Variants in SDK2 observed in about 807,000 individuals in gnomAD.
The protein encoded by SDK2 is sidekick cell adhesion molecule 2.
SDK2 carries 105 observed loss-of-function variants against 253.9 expected under a neutral mutation model. That is an observed-to-expected ratio of 0.41 (90% confidence interval 0.35 to 0.49). The LOEUF is 0.49. SDK2 is among the 20% of genes least tolerant of loss of function. The probability of loss-of-function intolerance (pLI) is 0.06; values close to 1 mark genes in which losing one functional copy is unlikely to be tolerated. For missense variants in SDK2, 2,608 were observed against 3,003.0 expected (o/e 0.87, Z 3.07); for synonymous variants, 1,249 against 1,234.9 (o/e 1.01, Z -0.24).
rs1018744988 is a variant in SDK2 at position 73,361,507 on chromosome 17, C to T, written c.5467+177G>A. ...GAACCTGAGGACACATTAATCAAAG[C>T]GTGGAGCCCGGGAGGAGGGAGCGGG... On this transcript the variant is annotated intron_variant, in intron 39 of 44. Coordinates refer to ENST00000392650, the MANE Select transcript of SDK2 (RefSeq NM_001144952.2). The surrounding 1 kb of genome is among the most constrained non-coding windows in gnomAD (Gnocchi z 4.1). 2.0e-5 allele frequency among the ~76,000 whole-genome samples: 3 copies of T among 151,948 alleles called. No homozygotes were observed. The highest frequency in any genetic ancestry group is 2.1e-4 in the South Asian group (1 of 4,818).
At chr17:73,536,428 C>CGA (rs1406361073) in intron 1 of SDK2, among the ~76,000 whole-genome samples, 6 of 152,218 alleles carry the variant, frequency 3.9e-5, no homozygotes, top group African/African-American at 1.4e-4. Flanking sequence ...AGCCTCCTTC[C>CGA]GAGGCTTCCG....
In SDK2 at chr17:73,441,049, G is replaced by T. The variant is rs76477834; in HGVS notation, c.614-126C>A. Reference sequence around the variant, plus strand: ...AGTGGAGCAGGTGGCCATGGGGGCAGCCCCAGAGCAGACCTCCAGACACTG... The same window carrying T: ...AGTGGAGCAGGTGGCCATGGGGGCATCCCCAGAGCAGACCTCCAGACACTG... On this transcript the variant is annotated intron_variant, in intron 5 of 44. Coordinates refer to ENST00000392650, the MANE Select transcript of SDK2 (RefSeq NM_001144952.2). 6.5e-3 allele frequency: 4,423 copies of T among 678,126 alleles called. 164 individuals carry two copies. In the East Asian group the frequency reaches 0.086, roughly 13 times the overall value. The allele number at this position is 678,126 out of a possible 1,614,324, so 42.0% of individuals were successfully genotyped here.
chr17:73,477,552 C>A (rs76900291), intron 2 of SDK2, among the ~76,000 whole-genome samples: 3,413 of 152,290 alleles, frequency 0.022, 114 homozygotes, highest in African/African-American at 0.076. Context: ...ATAATGATGG[C>A]CATCTTTGAT....
rs2063360328 is a variant in SDK2, at chr17:73,435,515, A to G, written c.1130T>C (p.Met377Thr). 1.2e-6 allele frequency: 2 copies of G among 1,601,296 alleles called. No individual in the cohort carries two copies. Among genetic ancestry groups the G allele is most frequent in the Non-Finnish European group, 1.7e-6 (2 of 1,174,436 alleles). Residue 377 changes from methionine to threonine, a missense_variant, in exon 9 of 45, where the codon ATG becomes ACG. Met to Thr is a moderately conservative substitution (Grantham distance 81). Transcript: ENST00000392650. The surrounding 1 kb of genome is among the most constrained non-coding windows in gnomAD (Gnocchi z 5.7). Reference protein sequence around the residue: ...ISGLVPDDTGMFQCFARNAAG... With the variant: ...ISGLVPDDTGTFQCFARNAAG... ...TGCATTGCGGGCGAAGCACTGGAACATGCCGGTATCATCGGGCACCAGGCC... is the reference window on the plus strand; with the variant it reads ...TGCATTGCGGGCGAAGCACTGGAACGTGCCGGTATCATCGGGCACCAGGCC...
At chr17:73,399,344 T>C (rs2063002045) in intron 21 of SDK2, 55 bp from the exon 22 acceptor site, 1 of 1,604,122 alleles carries the variant, frequency 6.2e-7, no homozygotes, top group South Asian at 1.1e-5. Flanking sequence ...GCCCCCCATG[T>C]TGAACGGGAC....
At chr17:73,626,825 A>C (rs528877960) in intron 1 of SDK2, among the ~76,000 whole-genome samples, 1 of 152,134 alleles carries the variant, frequency 6.6e-6, no homozygotes, top group African/African-American at 2.4e-5. Flanking sequence ...CTGGTCTTCG[A>C]TGTGGACCCC....
chr17:73,430,125 T>G (rs1408544100), intron 12 of SDK2, among the ~76,000 whole-genome samples: 1 of 152,172 alleles, frequency 6.6e-6, no homozygotes, highest in Non-Finnish European at 1.5e-5. Flanking sequence ...GGCCAAAGAC[T>G]TGGGGTGGGC....
chr17:73,539,443 C>T (rs1030547489), intron 1 of SDK2, among the ~76,000 whole-genome samples: 1 of 145,080 alleles, frequency 6.9e-6, no homozygotes, highest in Non-Finnish European at 1.5e-5. Context: ...CAGGAGTGGG[C>T]AGAGGCCAGC....
At chr17:73,498,304 C>T (rs146445029) in intron 2 of SDK2, among the ~76,000 whole-genome samples, 31 of 152,334 alleles carry the variant, frequency 2.0e-4, no homozygotes, top group African/African-American at 6.0e-4. Flanking sequence ...AGCTCCTGTT[C>T]GCCTCTTTCT....
At position 73,618,213 on chromosome 17, in the gene SDK2, G is replaced by C. The variant is rs545130544; in HGVS notation, c.64+25812C>G. Among the ~76,000 whole-genome samples, 2 of 152,196 alleles carry C rather than the reference G, an allele frequency of 1.3e-5. No individual in the cohort carries two copies. The highest frequency in any genetic ancestry group is 1.9e-4 in the East Asian group (1 of 5,200). On this transcript the variant is annotated intron_variant, in intron 1 of 44. Transcript: ENST00000392650. The surrounding 1 kb of genome is among the most constrained non-coding windows in gnomAD (Gnocchi z 4.1). ...ACCCATTCATTAGCCTGTAAATGACGCAGCTCTTATACCTAGGAGTGTCCC... is the reference window on the plus strand; with the variant it reads ...ACCCATTCATTAGCCTGTAAATGACCCAGCTCTTATACCTAGGAGTGTCCC...
chr17:73,502,604 A>C (rs933011111), intron 2 of SDK2, among the ~76,000 whole-genome samples: 1 of 152,260 alleles, frequency 6.6e-6, no homozygotes, highest in Non-Finnish European at 1.5e-5. Context: ...ACCATAATGC[A>C]TGAGTTTATA....
At chr17:73,584,350 G>A (rs904988450) in intron 1 of SDK2, among the ~76,000 whole-genome samples, 2 of 152,214 alleles carry the variant, frequency 1.3e-5, no homozygotes, top group African/African-American at 4.8e-5. Flanking sequence ...CCTAGCACCA[G>A]CTTTTCCAAT....
Position 73,352,435 on chromosome 17 carries a change from G to A in SDK2, c.5758+38C>T. ...CCAGTGTCAGCCCCCAGGCTCTGCT[G>A]TGGGGCTCCCCCACTCCCTCAGCCC... On this transcript the variant is annotated intron_variant, in intron 41 of 44. Transcript: ENST00000392650. This position sits in a 1 kb window ranked among gnomAD's most constrained non-coding sequence, Gnocchi z 4.1. The A allele has an allele frequency of 6.3e-7, 1 of 1,585,762 alleles. No homozygotes were observed. The highest frequency in any genetic ancestry group is 2.3e-5 in the East Asian group (1 of 43,662).
chr17:73,610,665 G>A (rs1304053890), intron 1 of SDK2, among the ~76,000 whole-genome samples: 1 of 151,928 alleles, frequency 6.6e-6, no homozygotes, highest in Non-Finnish European at 1.5e-5. Flanking sequence ...TTCTGTGTGT[G>A]CATGTGTTTT....
intron 3 of SDK2, 51 bp downstream of exon 3, chr17:73,472,061 A>G (rs1599598606): frequency 2.2e-6 from 3 of 1,351,612 alleles, no homozygotes; most frequent in East Asian, 5.0e-5. Flanking sequence ...GGTGGGTGCC[A>G]CTCTGGCACC....
Position 73,365,247 on chromosome 17 carries a change from G to A in SDK2, c.5305+11C>T. 6.3e-7 allele frequency: 1 copy of A among 1,578,350 alleles called. No homozygotes were observed. The highest frequency in any genetic ancestry group is 8.6e-7 in the Non-Finnish European group (1 of 1,161,194). On this transcript the variant is annotated intron_variant, in intron 38 of 44. Transcript: ENST00000392650. ...GGGGGGCTGGGGAGCTGTGCTGGGG[G>A]GTCCACTCACCATCCACGGGGCTGC...
At position 73,629,391 on chromosome 17, in the gene SDK2, T is replaced by C. The variant is rs1238988553; in HGVS notation, c.64+14634A>G. ...CGCTTGCATAGCTTCTATGAGATGG[T>C]TGCTGCCCAGGAATGCAAGTGACCC... On this transcript the variant is annotated intron_variant, in intron 1 of 44. Coordinates refer to ENST00000392650, the MANE Select transcript of SDK2 (RefSeq NM_001144952.2). This position sits in a 1 kb window ranked among gnomAD's most constrained non-coding sequence, Gnocchi z 5.0. Among the ~76,000 whole-genome samples the C allele has an allele frequency of 3.3e-5, 5 of 152,288 alleles. No homozygotes were observed. The highest frequency in any genetic ancestry group is 1.3e-4 in the Admixed American group (2 of 15,300).
intron 15 of SDK2, among the ~76,000 whole-genome samples, chr17:73,421,097 G>T (rs376668833): frequency 6.6e-6 from 1 of 152,250 alleles, no homozygotes; most frequent in Non-Finnish European, 1.5e-5. Flanking sequence ...CCTCTCTGTT[G>T]TTGGGATTGT....
At chr17:73,405,913 C>T (rs1367956125) in intron 18 of SDK2, among the ~76,000 whole-genome samples, 23 of 151,390 alleles carry the variant, frequency 1.5e-4, no homozygotes, top group Admixed American at 1.1e-3. Flanking sequence ...TTAGTAGAAA[C>T]GGGGTTTCAC....
Sources: allele counts gnomAD v4.1 joint callset (sites outside exome capture counted in the v4.1 genomes callset), GRCh38; gene constraint gnomAD v4.1.1; non-coding constraint Gnocchi (gnomAD v3.1); transcripts MANE v1.5; gene names NCBI Gene and HGNC (gene_info 2026-07-23, HGNC 2026-07-21).